Variants in UBE2E2 observed in about 807,000 individuals in gnomAD.
UBE2E2 encodes the protein ubiquitin-conjugating enzyme E2 E2.
In UBE2E2, 6 loss-of-function variants were observed where a neutral mutation model predicts 24.7. That is an observed-to-expected ratio of 0.24 (90% CI 0.13 to 0.48). The LOEUF is 0.48. Among genes scored for constraint, UBE2E2 ranks in the 20% least tolerant of loss-of-function variants. UBE2E2 has a pLI of 0.99. For missense variants in UBE2E2, 169 were observed against 245.0 expected, an observed-to-expected ratio of 0.69 and a Z score of 2.07; for synonymous variants, 104 against 83.6, an observed-to-expected ratio of 1.24 and a Z score of -1.33.
intron 3 of UBE2E2, among the ~76,000 whole-genome samples, chr3:23,421,606 C>A (rs73138453): frequency 6.6e-6 from 1 of 152,084 alleles, no homozygotes; most frequent in Non-Finnish European, 1.5e-5. Context: ...TGGGGTTTCA[C>A]CATGTTGGCC....
intron 3 of UBE2E2, among the ~76,000 whole-genome samples, chr3:23,331,787 G>A (rs751163618): frequency 6.6e-6 from 1 of 152,112 alleles, no homozygotes; most frequent in Non-Finnish European, 1.5e-5. Context: ...TAAAGACTTT[G>A]GTTTATGTGA....
At chr3:23,463,409 A>G (rs1002225970) in intron 3 of UBE2E2, among the ~76,000 whole-genome samples, 4 of 152,122 alleles carry the variant, frequency 2.6e-5, no homozygotes, top group Non-Finnish European at 5.9e-5. Flanking sequence ...CTCACGTCAA[A>G]GAAAATACTG....
chr3:23,266,764 G>C (rs965963389), intron 3 of UBE2E2, among the ~76,000 whole-genome samples: 4 of 152,070 alleles, frequency 2.6e-5, no homozygotes, highest in Admixed American at 6.5e-5. Flanking sequence ...CTTTTCAGCA[G>C]CACACCACAC....
chr3:23,204,453 A>G (rs1696090196), intron 1 of UBE2E2, among the ~76,000 whole-genome samples: 1 of 152,170 alleles, frequency 6.6e-6, no homozygotes, highest in Non-Finnish European at 1.5e-5. Flanking sequence ...TTTACCCTCA[A>G]AGTATCTCGC....
At chr3:23,239,726 C>T (rs958554518) in intron 3 of UBE2E2, among the ~76,000 whole-genome samples, 1 of 152,060 alleles carries the variant, frequency 6.6e-6, no homozygotes, top group African/African-American at 2.4e-5. Context: ...TTACATAAGC[C>T]AGGCACTGTG....
At chr3:23,259,018 C>G (rs957495980) in intron 3 of UBE2E2, among the ~76,000 whole-genome samples, 9 of 151,230 alleles carry the variant, frequency 6.0e-5, no homozygotes, top group African/African-American at 2.2e-4. Flanking sequence ...CACAGAAATC[C>G]TTGACAGTTT....
At chr3:23,388,320 G>T (rs1371644752) in intron 3 of UBE2E2, among the ~76,000 whole-genome samples, 1 of 152,150 alleles carries the variant, frequency 6.6e-6, no homozygotes, top group Non-Finnish European at 1.5e-5. Context: ...AATTCTCACT[G>T]CTGGTTTGCC....
intron 3 of UBE2E2, among the ~76,000 whole-genome samples, chr3:23,321,250 G>A (rs759594679): frequency 2.6e-5 from 4 of 152,196 alleles, no homozygotes; most frequent in Non-Finnish European, 5.9e-5. Context: ...AAGGGGATTA[G>A]GACTTCAACT....
At chr3:23,554,763 AAAC>A (rs1018535978) in intron 5 of UBE2E2, among the ~76,000 whole-genome samples, 13 of 152,314 alleles carry the variant, frequency 8.5e-5, no homozygotes, top group African/African-American at 3.1e-4. Flanking sequence ...ACAGCAAAAG[AAAC>A]AACAAAATGG....
chr3:23,317,532 A>G (rs1211131722), intron 3 of UBE2E2, among the ~76,000 whole-genome samples: 2 of 152,182 alleles, frequency 1.3e-5, no homozygotes, highest in Non-Finnish European at 2.9e-5. Context: ...TTTATACAGG[A>G]TAAAGGGTTA....
chr3:23,467,246 G>A (rs979133852), intron 3 of UBE2E2, among the ~76,000 whole-genome samples: 4 of 152,158 alleles, frequency 2.6e-5, no homozygotes, highest in African/African-American at 9.7e-5. Flanking sequence ...AGACTTGAAG[G>A]TTTTCTTGAC....
At chr3:23,258,361 G>A (rs536761646) in intron 3 of UBE2E2, among the ~76,000 whole-genome samples, 34 of 152,318 alleles carry the variant, frequency 2.2e-4, no homozygotes, top group Admixed American at 7.2e-4. Flanking sequence ...TGGAAGTCAT[G>A]TTAATAGTGA....
intron 3 of UBE2E2, among the ~76,000 whole-genome samples, chr3:23,367,395 C>T (rs904872463): frequency 2.0e-5 from 3 of 151,964 alleles, no homozygotes; most frequent in African/African-American, 4.8e-5. Flanking sequence ...GGCTGAAAGT[C>T]ACACCAACAT....
At chr3:23,330,331 TTGAAAGAGCTCTTCTCTTATTTTATTG>T (rs1285365074) in intron 3 of UBE2E2, among the ~76,000 whole-genome samples, 2 of 152,206 alleles carry the variant, frequency 1.3e-5, no homozygotes, top group African/African-American at 4.8e-5. Context: ...AATAAAGACT[TTGAAAGAGCTCTTCTCTTATTTTATTG>T]TATGGAAGTA....
chr3:23,227,766 T>TG (rs1575486275), intron 3 of UBE2E2, among the ~76,000 whole-genome samples: 1 of 152,314 alleles, frequency 6.6e-6, no homozygotes, highest in East Asian at 1.9e-4. Flanking sequence ...AGTTGGGCTA[T>TG]GTGTACTGTG....
chr3:23,442,867 C>T (rs189328309), intron 3 of UBE2E2, among the ~76,000 whole-genome samples: 1 of 152,262 alleles, frequency 6.6e-6, no homozygotes, highest in East Asian at 1.9e-4. Flanking sequence ...AAAACTTCCT[C>T]CATCACTACT....
chr3:23,371,659 A>G (rs181838488), intron 3 of UBE2E2, among the ~76,000 whole-genome samples: 1 of 152,328 alleles, frequency 6.6e-6, no homozygotes, highest in Admixed American at 6.5e-5. Context: ...TTCAAAAGTT[A>G]CAGTAGTATA....
At chr3:23,221,773 A>G (rs933726441) in intron 3 of UBE2E2, among the ~76,000 whole-genome samples, 1 of 152,276 alleles carries the variant, frequency 6.6e-6, no homozygotes, top group South Asian at 2.1e-4. Context: ...AGTAGCTGGA[A>G]TTACAGGCGT....
chr3:23,524,857 GACAC>G (rs772415833), intron 4 of UBE2E2, among the ~76,000 whole-genome samples: 6 of 128,684 alleles, frequency 4.7e-5, no homozygotes, highest in Non-Finnish European at 9.8e-5. Flanking sequence ...GATACACACA[GACAC>G]ACAGACACAC....
Sources: allele counts gnomAD v4.1 joint callset (sites outside exome capture counted in the v4.1 genomes callset), GRCh38; gene constraint gnomAD v4.1.1; transcripts MANE v1.5; gene names NCBI Gene and HGNC (gene_info 2026-07-23, HGNC 2026-07-21).